Variants in FOXP1 observed in about 807,000 individuals in gnomAD.
FOXP1 encodes the protein forkhead box protein P1.
In FOXP1, 15 loss-of-function variants were observed where a neutral mutation model predicts 98.2. The ratio of observed to expected loss-of-function variants is 0.15; its 90% CI spans 0.10 to 0.24. The LOEUF (loss-of-function observed/expected upper bound fraction) is 0.24. Ranked by LOEUF, FOXP1 falls within the 10% of genes least tolerant of loss-of-function variation. The pLI is 1.00. For synonymous variants in FOXP1, 371 were observed against 314.5 expected, an observed-to-expected ratio of 1.18 and a Z score of -1.90; for missense variants, 633 against 848.5, an observed-to-expected ratio of 0.75 and a Z score of 3.15.
chr3:71,112,661 C>T, intron 6 of FOXP1, 24 bp from the exon 7 acceptor site: 2 of 1,547,860 alleles, frequency 1.3e-6, no homozygotes, highest in South Asian at 1.1e-5. Flanking sequence ...CAAGAAAATC[C>T]TTTGCGTTAC....
intron 2 of FOXP1, among the ~76,000 whole-genome samples, chr3:71,513,630 A>G (rs1462156337): frequency 6.6e-6 from 1 of 152,166 alleles, no homozygotes; most frequent in African/African-American, 2.4e-5. Flanking sequence ...ATTATACAAA[A>G]TGGGTCAGGG....
chr3:71,527,130 G>A (rs928301889), intron 2 of FOXP1, among the ~76,000 whole-genome samples: 2 of 152,096 alleles, frequency 1.3e-5, no homozygotes, highest in Non-Finnish European at 2.9e-5. Context: ...CACAGGCAAG[G>A]TATCAGCTCC....
intron 5 of FOXP1, among the ~76,000 whole-genome samples, chr3:71,212,831 ATAATT>A (rs1418293711): frequency 1.3e-5 from 2 of 152,148 alleles, no homozygotes; most frequent in African/African-American, 4.8e-5. Flanking sequence ...AGAAATTGCT[ATAATT>A]TAAAGACATG....
At chr3:71,521,394 GC>G (rs1342043980) in intron 2 of FOXP1, among the ~76,000 whole-genome samples, 1 of 152,126 alleles carries the variant, frequency 6.6e-6, no homozygotes, top group Non-Finnish European at 1.5e-5. Context: ...AGGTGTGGTG[GC>G]AAGCGCCTGT....
At chr3:71,547,631 C>T (rs1279251630) in intron 2 of FOXP1, among the ~76,000 whole-genome samples, 2 of 152,106 alleles carry the variant, frequency 1.3e-5, no homozygotes, top group Admixed American at 6.5e-5. Flanking sequence ...TTCTTGGGGC[C>T]CAAGGCAGAG....
chr3:71,344,111 C>T (rs2077182853), intron 4 of FOXP1, among the ~76,000 whole-genome samples: 1 of 152,194 alleles, frequency 6.6e-6, no homozygotes, highest in African/African-American at 2.4e-5. Context: ...TGAGTACATC[C>T]GCCATCTCTC....
chr3:71,216,765 A>G (rs371047797), intron 5 of FOXP1, among the ~76,000 whole-genome samples: 149 of 152,248 alleles, frequency 9.8e-4, no homozygotes, highest in Non-Finnish European at 1.9e-3. Flanking sequence ...AAAAAAAATC[A>G]GGGAAAAATA....
At chr3:71,080,903 C>T (rs937419498) in intron 7 of FOXP1, among the ~76,000 whole-genome samples, 2 of 152,210 alleles carry the variant, frequency 1.3e-5, no homozygotes, top group East Asian at 1.9e-4. Flanking sequence ...TGATTTGACT[C>T]AATGAACCCA....
chr3:71,231,659 T>C (rs1267960999), intron 5 of FOXP1, among the ~76,000 whole-genome samples: 3 of 152,192 alleles, frequency 2.0e-5, no homozygotes, highest in Non-Finnish European at 2.9e-5. Context: ...AACTATAAAG[T>C]TAAGACAGAA....
intron 3 of FOXP1, among the ~76,000 whole-genome samples, chr3:71,442,262 C>T (rs2086005863): frequency 6.6e-6 from 1 of 152,110 alleles, no homozygotes; most frequent in African/African-American, 2.4e-5. Flanking sequence ...TAACCATTAG[C>T]CAACCAGACT....
chr3:71,090,884 G>A (rs968225077), intron 7 of FOXP1, among the ~76,000 whole-genome samples: 34 of 152,040 alleles, frequency 2.2e-4, no homozygotes, highest in African/African-American at 7.0e-4. Flanking sequence ...AATGCACTTC[G>A]CTCTGAAATG....
At chr3:71,012,926 T>C (rs1056798033) in intron 12 of FOXP1, among the ~76,000 whole-genome samples, 1 of 152,186 alleles carries the variant, frequency 6.6e-6, no homozygotes, top group Non-Finnish European at 1.5e-5. Flanking sequence ...ATATGTTTGA[T>C]TACATGTCTA....
chr3:70,965,557 T>C (rs1016391294), intron 20 of FOXP1, among the ~76,000 whole-genome samples: 4 of 152,150 alleles, frequency 2.6e-5, no homozygotes, highest in Non-Finnish European at 5.9e-5. Context: ...TTGAACAAAC[T>C]GCAAACTTTT....
chr3:70,970,630 A>G lies in FOXP1; in HGVS notation c.1722+106T>C, dbSNP rs574817781. 25 of 996,826 alleles carry G rather than the reference A, an allele frequency of 2.5e-5. No individual in the cohort carries two copies. In the African/African-American group the frequency reaches 3.6e-4, roughly 15 times the overall value. The allele number at this position is 996,826 out of a possible 1,614,324, so 61.7% of individuals were successfully genotyped here. A position where few individuals can be genotyped will look rare whatever the true frequency, so the allele number is the denominator to read the frequency against. On this transcript the variant is annotated intron_variant, in intron 19 of 20. Transcript: ENST00000649528. ...TTTGTGCACTTAAGAAAAAAGTTTA[A>G]CGGAATTAAAATTTAATATCTAATT...
In FOXP1 at chr3:71,176,395, C is replaced by T. The variant is rs367837816; in HGVS notation, c.180+21807G>A. ...AGCCTTATTAATAAACCCAGATTTC[C>T]GCGTTCTTAGAAGCAATACTTCCAT... is the stretch of plus-strand genomic sequence containing the variant. On this transcript the variant is annotated intron_variant, in intron 6 of 20. Coordinates refer to ENST00000649528, the MANE Select transcript of FOXP1 (RefSeq NM_001349338.3). Among the ~76,000 whole-genome samples the T allele has an allele frequency of 2.2e-3, 337 of 152,258 alleles. 3 individuals are homozygous for T. The highest frequency in any genetic ancestry group is 7.8e-3 in the African/African-American group (323 of 41,538).
intron 7 of FOXP1, among the ~76,000 whole-genome samples, chr3:71,061,983 T>C (rs896275511): frequency 6.6e-6 from 1 of 152,156 alleles, no homozygotes; most frequent in Non-Finnish European, 1.5e-5. Flanking sequence ...TAATCTAGAT[T>C]TTAATTTCAC....
rs1330345201 is a variant in FOXP1, at chr3:71,198,269, T to C, written c.113A>G (p.Asn38Ser). Reference protein sequence around the residue: ...ECGGLREGRSNGETPAVDIGA... With the variant: ...ECGGLREGRSSGETPAVDIGA... ...GATGTCCACGGCCGGCGTCTCTCCG[T>C]TGGACCGCCCCTCCCGAAGACCGCC... The change falls in exon 6 of 21, where the codon AAC (asparagine) becomes AGC (serine). Residue 38 changes from asparagine (N) to serine (S), a missense_variant. Transcript: ENST00000649528. 2.5e-6 allele frequency: 4 copies of C among 1,614,128 alleles called. No homozygotes were observed. In the East Asian group the frequency reaches 8.9e-5, roughly 36 times the overall value.
intron 4 of FOXP1, among the ~76,000 whole-genome samples, chr3:71,327,589 G>A (rs1380841013): frequency 5.3e-5 from 8 of 151,202 alleles, no homozygotes; most frequent in Admixed American, 1.3e-4. Context: ...GGGTTTCACC[G>A]TGTTAGCCAG....
chr3:71,528,400 C>A (rs1269648191), intron 2 of FOXP1, among the ~76,000 whole-genome samples: 1 of 152,182 alleles, frequency 6.6e-6, no homozygotes, highest in Non-Finnish European at 1.5e-5. Context: ...AATTATATAC[C>A]GCCTAAACAG....
Sources: allele counts gnomAD v4.1 joint callset (sites outside exome capture counted in the v4.1 genomes callset), GRCh38; gene constraint gnomAD v4.1.1; transcripts MANE v1.5; gene names NCBI Gene and HGNC (gene_info 2026-07-23, HGNC 2026-07-21).